Variants in BABAM2 observed in about 807,000 individuals in gnomAD.
The protein encoded by BABAM2 is BRISC and BRCA1 A complex member 2, also known as BRISC and BRCA1-A complex member 2.
BABAM2 carries 31 observed loss-of-function variants against 54.7 expected under a neutral mutation model. That is an observed-to-expected ratio of 0.57 (90% CI 0.43 to 0.77). BABAM2 has a LOEUF of 0.77. BABAM2 is among the 30% of genes least tolerant of loss of function. BABAM2 has a pLI of 0.00. For missense variants in BABAM2, 364 were observed against 455.8 expected, an observed-to-expected ratio of 0.80 and a Z score of 1.83; for synonymous variants, 167 against 162.9, an observed-to-expected ratio of 1.03 and a Z score of -0.19.
At chr2:28,093,558 C>T (rs111228957) in intron 6 of BABAM2, among the ~76,000 whole-genome samples, 10 of 152,180 alleles carry the variant, frequency 6.6e-5, no homozygotes, top group African/African-American at 9.6e-5. Context: ...GACTGAGAGC[C>T]GGCTACGACG....
At chr2:27,966,709 A>T (rs1670869532) in intron 3 of BABAM2, among the ~76,000 whole-genome samples, 1 of 152,234 alleles carries the variant, frequency 6.6e-6, no homozygotes, top group African/African-American at 2.4e-5. Context: ...GGCTGGCCGT[A>T]GTGAGTTGCC....
chr2:27,922,803 G>A (rs901878991), intron 2 of BABAM2, among the ~76,000 whole-genome samples: 5 of 152,114 alleles, frequency 3.3e-5, no homozygotes, highest in Admixed American at 2.0e-4. Context: ...ATACTTAACC[G>A]TCAGCAATTT....
At chr2:28,027,743 T>G (rs955105180) in intron 5 of BABAM2, among the ~76,000 whole-genome samples, 6 of 152,238 alleles carry the variant, frequency 3.9e-5, no homozygotes, top group African/African-American at 1.4e-4. Context: ...ACTTTTTGAC[T>G]TTTATGAATA....
intron 7 of BABAM2, among the ~76,000 whole-genome samples, chr2:28,161,913 T>C (rs1994560): frequency 0.04 from 6,080 of 152,220 alleles, 145 homozygotes; most frequent in South Asian, 0.12. Flanking sequence ...CTGATAGATA[T>C]AGGATGAAAC....
chr2:28,018,726 G>T (rs1675030565), intron 4 of BABAM2, among the ~76,000 whole-genome samples: 1 of 151,992 alleles, frequency 6.6e-6, no homozygotes, highest in South Asian at 2.1e-4. Flanking sequence ...TTGTGTTACG[G>T]TTTTGATTTG....
intron 4 of BABAM2, among the ~76,000 whole-genome samples, chr2:28,002,117 A>C (rs746832727): frequency 2.0e-5 from 3 of 152,084 alleles, no homozygotes; most frequent in Non-Finnish European, 4.4e-5. Context: ...CCAGGGGTAG[A>C]ACTAGCTTGG....
intron 11 of BABAM2, among the ~76,000 whole-genome samples, chr2:28,328,300 A>G (rs1690657646): frequency 6.6e-6 from 1 of 152,348 alleles, no homozygotes; most frequent in Admixed American, 6.5e-5. Context: ...TTCAGACCAC[A>G]ATCGGTTTTC....
chr2:27,901,636 A>G (rs781707865), intron 2 of BABAM2, among the ~76,000 whole-genome samples: 20 of 152,198 alleles, frequency 1.3e-4, no homozygotes, highest in Non-Finnish European at 2.6e-4. Context: ...CTAACTGGCA[A>G]TCTGAATCTT....
intron 7 of BABAM2, among the ~76,000 whole-genome samples, chr2:28,145,025 A>G (rs922454448): frequency 3.9e-5 from 6 of 152,192 alleles, no homozygotes; most frequent in African/African-American, 1.4e-4. Flanking sequence ...TTAAAAGTGG[A>G]TTTCTGGGGC....
In BABAM2 at chr2:28,051,223, G is replaced by A. The variant is rs60817321; in HGVS notation, c.570+5424G>A. ...TGTTTTACACAGCTTCCCAAAATGT[G>A]CGTTTAATCTCAGAAAGGCAACTAT... On this transcript the variant is annotated intron_variant, in intron 6 of 11. Coordinates refer to ENST00000379624, the MANE Select transcript of BABAM2 (RefSeq NM_199191.3). Among the ~76,000 whole-genome samples, 240 of 152,292 alleles carry A rather than the reference G, an allele frequency of 1.6e-3. 6 individuals are homozygous for A. The East Asian group carries it at 0.045, about 28-fold the overall frequency.
chr2:28,211,158 G>T (rs1322077431), intron 7 of BABAM2, among the ~76,000 whole-genome samples: 1 of 152,078 alleles, frequency 6.6e-6, no homozygotes, highest in Non-Finnish European at 1.5e-5. Flanking sequence ...ATTTCGCATT[G>T]GTTCCCAAAA....
At chr2:28,198,037 T>G (rs1008410674) in intron 7 of BABAM2, among the ~76,000 whole-genome samples, 3 of 152,072 alleles carry the variant, frequency 2.0e-5, no homozygotes, top group African/African-American at 7.2e-5. Flanking sequence ...ATAGCCTCCA[T>G]GTAAGGATAA....
chr2:28,043,889 G>A lies in BABAM2; in HGVS notation c.496-1836G>A, dbSNP rs552327364. Among the ~76,000 whole-genome samples, 23 of 152,228 alleles carry A rather than the reference G, an allele frequency of 1.5e-4. No individual in the cohort carries two copies. The East Asian group carries it at 3.3e-3, about 22-fold the overall frequency. ...TTGTGAGTAGCCTGCACATAATGGC[G>A]TTCAATACTGAGAATAGCTACTCAG... On this transcript the variant is annotated intron_variant, in intron 5 of 11. Transcript: ENST00000379624.
intron 10 of BABAM2, among the ~76,000 whole-genome samples, chr2:28,272,138 A>T (rs905405939): frequency 3.9e-5 from 6 of 152,208 alleles, no homozygotes; most frequent in Admixed American, 3.9e-4. Context: ...GAGACAAAAG[A>T]TTCCTTCTGG....
At chr2:28,290,772 C>T (rs575029686) in intron 10 of BABAM2, among the ~76,000 whole-genome samples, 40 of 152,290 alleles carry the variant, frequency 2.6e-4, no homozygotes, top group African/African-American at 9.4e-4. Flanking sequence ...AAAGCTAAAT[C>T]TTCCTTAACA....
chr2:28,076,402 A>C (rs1182267999), intron 6 of BABAM2, among the ~76,000 whole-genome samples: 1 of 152,066 alleles, frequency 6.6e-6, no homozygotes, highest in Non-Finnish European at 1.5e-5. Flanking sequence ...GTAATTCAAC[A>C]TATACTGTAT....
rs370794690 is a variant in BABAM2, at chr2:27,912,629, G to A, written c.129-17203G>A. On this transcript the variant is annotated intron_variant, in intron 2 of 11. Coordinates refer to ENST00000379624, the MANE Select transcript of BABAM2 (RefSeq NM_199191.3). ...ATTACTTTAGATGATCTCTTTAGAAGGCCTGGGATTTAAAACTGAGCCATA... is the reference window on the plus strand; with the variant it reads ...ATTACTTTAGATGATCTCTTTAGAAAGCCTGGGATTTAAAACTGAGCCATA... Among the ~76,000 whole-genome samples the A allele has an allele frequency of 7.6e-4, 115 of 152,246 alleles. No homozygotes were observed. In the East Asian group the frequency reaches 0.016, roughly 21 times the overall value.
chr2:28,125,100 G>C (rs1669390475), intron 6 of BABAM2, among the ~76,000 whole-genome samples: 1 of 152,052 alleles, frequency 6.6e-6, no homozygotes, highest in South Asian at 2.1e-4. Context: ...TAGATGACCA[G>C]TAAATAAGTA....
chr2:28,233,332 T>C (rs1311171460), intron 7 of BABAM2: 1 of 467,810 alleles, frequency 2.1e-6, no homozygotes. Flanking sequence ...ATGTCTTGAG[T>C]GAGCCCTGGA....
Sources: allele counts gnomAD v4.1 joint callset (sites outside exome capture counted in the v4.1 genomes callset), GRCh38; gene constraint gnomAD v4.1.1; transcripts MANE v1.5; gene names NCBI Gene and HGNC (gene_info 2026-07-23, HGNC 2026-07-21).